The following ISL1 variants were observed in gnomAD, a reference collection of about 807,000 sequenced individuals.
ISL1 encodes insulin gene enhancer protein ISL-1.
Under a neutral mutation model 35.3 loss-of-function variants are expected in ISL1, and 4 were observed. The observed-to-expected ratio is 0.11, with a 90% CI of 0.06 to 0.26. The LOEUF (loss-of-function observed/expected upper bound fraction) is 0.26, where lower values mean the gene tolerates loss of function less well. Among genes scored for constraint, ISL1 ranks in the 10% least tolerant of loss-of-function variants. The probability of loss-of-function intolerance (pLI) is 1.00; values close to 1 mark genes in which losing one functional copy is unlikely to be tolerated. For synonymous variants in ISL1, 186 were observed against 172.3 expected, an observed-to-expected ratio of 1.08 and a Z score of -0.62; for missense variants, 340 against 472.8, an observed-to-expected ratio of 0.72 and a Z score of 2.60.
In ISL1 at chr5:51,390,642, C is replaced by CTTTTT. The variant is rs57707586; in HGVS notation, c.766-598_766-594dup. 6.2e-4 allele frequency among the ~76,000 whole-genome samples: 25 copies of CTTTTT among 40,218 alleles called. 1 individual carries two copies. The highest frequency in any genetic ancestry group is 3.3e-3 in the East Asian group (4 of 1,226). The allele number at this position is 40,218 out of a possible 152,430, so 26.4% of individuals were successfully genotyped here. A position where few individuals can be genotyped will look rare whatever the true frequency, so the allele number is the denominator to read the frequency against. ...TCCTTTTTTTCTTTTCTTTCTTTTT[C>CTTTTT]TTTTTTTTTTTTTTTTTTTTTTTTT... On this transcript the variant is annotated intron_variant, in intron 4 of 5. Coordinates refer to ENST00000230658, the MANE Select transcript of ISL1 (RefSeq NM_002202.3).
intron 2 of ISL1, among the ~76,000 whole-genome samples, chr5:51,386,014 A>C (rs1188410309): frequency 6.6e-6 from 1 of 152,100 alleles, no homozygotes; most frequent in East Asian, 1.9e-4. Context: ...TCGGAGAGGG[A>C]GTGAAAGGAA....
chr5:51,393,751 G>A lies in ISL1; in HGVS notation c.*141G>A, dbSNP rs1370172225. The stretch of plus-strand genomic sequence containing the variant: ...ATGCTCCATGAAATGCACGAAGTCT[G>A]TTTTAATGACAAGGTGATATGGTAG... On this transcript the variant is annotated 3_prime_UTR_variant, in exon 6 of 6. Transcript: ENST00000230658. The A allele has an allele frequency of 1.4e-5, 10 of 708,694 alleles. No individual in the cohort carries two copies. The highest frequency in any genetic ancestry group is 2.9e-4 in the Middle Eastern group (1 of 3,392). 43.9% of individuals were successfully genotyped at this position (708,694 alleles called of 1,614,324 possible).
chr5:51,384,031 G>C (rs1168180584), intron 1 of ISL1, among the ~76,000 whole-genome samples: 1 of 152,148 alleles, frequency 6.6e-6, no homozygotes, highest in East Asian at 1.9e-4. Context: ...TCAATGCCCA[G>C]AGATGTGAAT....
intron 2 of ISL1, 60 bp downstream of exon 2, chr5:51,384,790 T>C (rs1304660642): frequency 1.4e-6 from 2 of 1,465,658 alleles, no homozygotes; most frequent in African/African-American, 2.8e-5. Context: ...CCCCACTCTT[T>C]ATGTATTATT....
intron 2 of ISL1, among the ~76,000 whole-genome samples, chr5:51,385,259 G>A (rs186367078): frequency 6.4e-4 from 97 of 152,280 alleles, no homozygotes; most frequent in African/African-American, 1.4e-3. Context: ...TATTTTTGGG[G>A]TAAGACCTCC....
At chr5:51,384,415 A>AG (rs898445757) in intron 1 of ISL1, 126 bp from the exon 2 acceptor site, 143 of 782,912 alleles carry the variant, frequency 1.8e-4, no homozygotes, top group Non-Finnish European at 2.6e-4. Flanking sequence ...AAAAAAAAAA[A>AG]AAAGAAAGAA....
At chr5:51,390,652 T>G (rs35113708) in intron 4 of ISL1, among the ~76,000 whole-genome samples, 35,048 of 95,070 alleles carry the variant, frequency 0.37, 6,562 homozygotes, top group African/African-American at 0.44. Context: ...CTTTTTTTTT[T>G]TTTTTTTTTT....
chr5:51,391,819 T>G (rs895120881), intron 5 of ISL1, among the ~76,000 whole-genome samples: 1 of 152,138 alleles, frequency 6.6e-6, no homozygotes, highest in Non-Finnish European at 1.5e-5. Context: ...GGCATTTCAA[T>G]CAGCAATTAG....
chr5:51,392,843 A>T (rs1747550668), intron 5 of ISL1, among the ~76,000 whole-genome samples: 1 of 152,164 alleles, frequency 6.6e-6, no homozygotes, highest in African/African-American at 2.4e-5. Context: ...AAGGAGTCAG[A>T]TATTTAAGAA....
At chr5:51,384,044 G>C (rs1411734170) in intron 1 of ISL1, among the ~76,000 whole-genome samples, 4 of 152,144 alleles carry the variant, frequency 2.6e-5, no homozygotes, top group East Asian at 1.9e-4. Flanking sequence ...ATGTGAATTA[G>C]CATTAGACTT....
chr5:51,385,479 T>A (rs1747321490), intron 2 of ISL1, among the ~76,000 whole-genome samples: 1 of 152,200 alleles, frequency 6.6e-6, no homozygotes, highest in Admixed American at 6.5e-5. Flanking sequence ...TTTCTCACAT[T>A]AAAATCTGGT....
rs372177290 is a variant in ISL1 at position 51,384,550 on chromosome 5, T to A, written c.38T>A (p.Leu13Gln). 20 of 1,614,052 alleles carry A rather than the reference T, an allele frequency of 1.2e-5. No individual in the cohort carries two copies. The highest frequency in any genetic ancestry group is 2.7e-5 in the African/African-American group (2 of 74,936). ...DMGDPPKKKRLISLCVGCGNQ... is the reference protein window; with the variant it reads ...DMGDPPKKKRQISLCVGCGNQ... ...TTTATTTTCATTTCAGAAAAACGTC[T>A]GATTTCCCTATGTGTTGGTTGCGGC... is the stretch of plus-strand genomic sequence containing the variant. The change falls in exon 2 of 6, where the codon CTG (leucine) becomes CAG (glutamine). Residue 13 changes from leucine (L) to glutamine (Q), a missense_variant. This residue lies in a region of ISL1 where 22 missense variants were observed against 18.4 expected (regional missense o/e 1.20). Transcript: ENST00000230658.
chr5:51,384,470 C>T, intron 1 of ISL1, 71 bp from the exon 2 acceptor site: 6 of 1,392,332 alleles, frequency 4.3e-6, no homozygotes, highest in Non-Finnish European at 6.1e-6. Context: ...TATAAGAGAA[C>T]GACACTAAAA....
At chr5:51,391,999 A>T (rs1390855836) in intron 5 of ISL1, among the ~76,000 whole-genome samples, 1 of 152,240 alleles carries the variant, frequency 6.6e-6, no homozygotes, top group African/African-American at 2.4e-5. Flanking sequence ...ATTCAAATAG[A>T]TGAATACTTT....
intron 4 of ISL1, 144 bp downstream of exon 4, chr5:51,390,076 C>G (rs1747453854): frequency 2.0e-6 from 2 of 995,766 alleles, no homozygotes; most frequent in Admixed American, 2.5e-5. Flanking sequence ...ATCCTTACCC[C>G]CCTACCCATG....
chr5:51,392,780 G>C (rs909961489), intron 5 of ISL1, among the ~76,000 whole-genome samples: 1 of 152,046 alleles, frequency 6.6e-6, no homozygotes, highest in African/African-American at 2.4e-5. Context: ...GGCAGGAGTG[G>C]GCATAGTTAG....
At chr5:51,393,396 C>T in intron 5 of ISL1, 98 bp from the exon 6 acceptor site, 1 of 779,694 alleles carries the variant, frequency 1.3e-6, no homozygotes, top group South Asian at 1.4e-5. Context: ...ACATATCTAT[C>T]TACACAAACA....
chr5:51,387,875 T>C lies in ISL1; in HGVS notation c.478+126T>C, dbSNP rs922839146. 1.6e-6 allele frequency: 2 copies of C among 1,273,692 alleles called. No homozygotes were observed. The allele number at this position is 1,273,692 out of a possible 1,614,324, so 78.9% of individuals were successfully genotyped here. A position where few individuals can be genotyped will look rare whatever the true frequency, so the allele number is the denominator to read the frequency against. On this transcript the variant is annotated intron_variant, in intron 3 of 5. Coordinates refer to ENST00000230658, the MANE Select transcript of ISL1 (RefSeq NM_002202.3). This position sits in a 1 kb window ranked among gnomAD's most constrained non-coding sequence, Gnocchi z 4.3. Reference sequence around the variant, plus strand: ...TTGCCTGCAGTTAAATGAAGTGTTCTGTATGCAATTTGCGCTGTGCTCTGC... The same window carrying C: ...TTGCCTGCAGTTAAATGAAGTGTTCCGTATGCAATTTGCGCTGTGCTCTGC...
At chr5:51,388,048 G>A (rs1747393348) in intron 3 of ISL1, among the ~76,000 whole-genome samples, 1 of 152,178 alleles carries the variant, frequency 6.6e-6, no homozygotes, top group Admixed American at 6.5e-5. Context: ...CTTCCAGTTC[G>A]CTCTGGCCTC....
Sources: gnomAD v4.1 joint callset for allele counts (sites outside exome capture counted in the v4.1 genomes callset) on GRCh38, gnomAD v4.1.1 for gene constraint, gnomAD v4.1.1 regional missense constraint, Gnocchi (gnomAD v3.1) non-coding constraint, MANE v1.5 for transcripts, NCBI Gene and HGNC (gene_info 2026-07-23, HGNC 2026-07-21) for gene names.